Variants in ACSL5 observed in about 807,000 individuals in gnomAD.
The protein encoded by ACSL5 is long-chain-fatty-acid--CoA ligase 5.
Under a neutral mutation model 84.9 loss-of-function variants are expected in ACSL5, and 50 were observed. That is an observed-to-expected ratio of 0.59 (90% CI 0.47 to 0.75). The LOEUF (loss-of-function observed/expected upper bound fraction) is 0.75. ACSL5 is among the 30% of genes least tolerant of loss of function. The pLI is 0.00. For missense variants in ACSL5, 775 were observed against 830.4 expected (o/e 0.93, Z 0.82); for synonymous variants, 280 against 300.7 (o/e 0.93, Z 0.71).
At chr10:112,408,307 A>G (rs1844095846) in intron 5 of ACSL5, 115 bp from the exon 6 acceptor site, 1 of 712,272 alleles carries the variant, frequency 1.4e-6, no homozygotes, top group Non-Finnish European at 2.4e-6. Flanking sequence ...TCAAAAAAAA[A>G]AAAAAAAGCA....
chr10:112,401,946 T>TC lies in ACSL5; in HGVS notation c.266-2565_266-2564insC, dbSNP rs760144024. 2.4e-3 allele frequency among the ~76,000 whole-genome samples: 276 copies of TC among 114,978 alleles called. 1 individual carries two copies. The highest frequency in any genetic ancestry group is 4.1e-3 in the Admixed American group (39 of 9,606). The allele number at this position is 114,978 out of a possible 152,430, so 75.4% of individuals were successfully genotyped here. ...TTTCCTTCCTCCCACCTTCTCTTTC[T>TC]TTCTCTCTCTCTCTCTCTCTCTCCT... On this transcript the variant is annotated intron_variant, in intron 3 of 20. Transcript: ENST00000354655.
chr10:112,417,628 T>C (rs1454607606), intron 13 of ACSL5, among the ~76,000 whole-genome samples: 1 of 152,238 alleles, frequency 6.6e-6, no homozygotes, highest in African/African-American at 2.4e-5. Context: ...ATATGGCTTC[T>C]GGTCCCAGCT....
chr10:112,419,568 A>T (rs1312018466), intron 14 of ACSL5: 2 of 152,184 alleles, frequency 1.3e-5, no homozygotes, highest in Non-Finnish European at 2.9e-5. Context: ...CAAAATCTGA[A>T]ATGCTCCAAA....
chr10:112,393,492 A>G (rs542452422), intron 1 of ACSL5, among the ~76,000 whole-genome samples: 8 of 152,156 alleles, frequency 5.3e-5, no homozygotes, highest in Non-Finnish European at 1.2e-4. Context: ...TTCTTAGACT[A>G]GAGTGAAGTG....
intron 1 of ACSL5, among the ~76,000 whole-genome samples, chr10:112,383,654 A>G (rs1442604638): frequency 7.9e-5 from 12 of 152,222 alleles, no homozygotes; most frequent in Non-Finnish European, 1.3e-4. Context: ...CTGTGTGTCA[A>G]ATGTAGTTTT....
At chr10:112,401,065 A>C (rs1843874875) in intron 3 of ACSL5, among the ~76,000 whole-genome samples, 1 of 152,122 alleles carries the variant, frequency 6.6e-6, no homozygotes, top group Admixed American at 6.5e-5. Flanking sequence ...ACATAGAAAA[A>C]TGATAGCCAG....
rs775687875 is a variant in ACSL5 at position 112,409,549 on chromosome 10, T to C, written c.575T>C (p.Leu192Ser). Residue 192 changes from leucine (L) to serine (S), a missense_variant, in exon 7 of 21, where the codon TTG (leucine) becomes TCG (serine). By Grantham distance (145) the Leu-to-Ser change is moderately radical (BLOSUM62 -2). Transcript: ENST00000354655. The stretch of plus-strand genomic sequence containing the variant: ...ATCTGTGACACACCCCAAAAGGCAT[T>C]GGTGCTGATAGGGAATGTAGAGAAA... Reference protein sequence around the residue: ...MVICDTPQKALVLIGNVEKGF... With the variant: ...MVICDTPQKASVLIGNVEKGF... 1.9e-6 allele frequency: 3 copies of C among 1,613,874 alleles called. No individual in the cohort carries two copies. The Admixed American group carries it at 5.0e-5, about 27-fold the overall frequency.
intron 1 of ACSL5, among the ~76,000 whole-genome samples, chr10:112,378,962 G>A (rs1849296093): frequency 6.6e-6 from 1 of 152,180 alleles, no homozygotes; most frequent in South Asian, 2.1e-4. Context: ...TGGGGAAGCT[G>A]GTGGATCTCC....
At chr10:112,376,662 G>A (rs1342366943) in intron 1 of ACSL5, among the ~76,000 whole-genome samples, 2 of 152,080 alleles carry the variant, frequency 1.3e-5, no homozygotes, top group Non-Finnish European at 2.9e-5. Context: ...AGGATGTGGG[G>A]CATGCATGGG....
chr10:112,391,055 A>G (rs1022723765), intron 1 of ACSL5, among the ~76,000 whole-genome samples: 1 of 152,196 alleles, frequency 6.6e-6, no homozygotes, highest in African/African-American at 2.4e-5. Flanking sequence ...TTAATTCTAC[A>G]TTATGTAAAT....
Position 112,427,452 on chromosome 10 carries a change from A to ATT in ACSL5, c.*102_*103dup. 3 of 1,225,054 alleles carry ATT rather than the reference A, an allele frequency of 2.4e-6. No homozygotes were observed. Among genetic ancestry groups the ATT allele is most frequent in the Admixed American group, 3.1e-5 (1 of 31,900 alleles). The allele number at this position is 1,225,054 out of a possible 1,614,324, so 75.9% of individuals were successfully genotyped here. A position where few individuals can be genotyped will look rare whatever the true frequency, so the allele number is the denominator to read the frequency against. On this transcript the variant is annotated 3_prime_UTR_variant, in exon 21 of 21. Coordinates refer to ENST00000354655, the MANE Select transcript of ACSL5 (RefSeq NM_203379.2). Reference sequence around the variant, plus strand: ...TTACATTTGTTTTGCCTTTCCTCCTATTTTTTTTTAACCTGTTAAACTCTA... The same window carrying ATT: ...TTACATTTGTTTTGCCTTTCCTCCTATTTTTTTTTTTAACCTGTTAAACTCTA...
Position 112,404,697 on chromosome 10 carries a change from T to G in ACSL5, c.331-8T>G. ...CTCTCTCTCTCACCCCATCTCTCTT[T>G]TTTGTAGGTGTCTGATAGAGCAGAG... On this transcript the variant is annotated splice_region_variant and splice_polypyrimidine_tract_variant and intron_variant, in intron 4 of 20. Coordinates refer to ENST00000354655, the MANE Select transcript of ACSL5 (RefSeq NM_203379.2). 1 of 1,613,020 alleles carries G rather than the reference T, an allele frequency of 6.2e-7. No homozygotes were observed.
At chr10:112,380,933 A>C (rs976034367) in intron 1 of ACSL5, among the ~76,000 whole-genome samples, 4 of 152,026 alleles carry the variant, frequency 2.6e-5, no homozygotes, top group Admixed American at 2.6e-4. Flanking sequence ...GGCATGCCCA[A>C]CTAAATTTTT....
intron 2 of ACSL5, chr10:112,396,074 C>T (rs1329714973): frequency 2.0e-5 from 3 of 152,168 alleles, no homozygotes; most frequent in Non-Finnish European, 4.4e-5. Flanking sequence ...GACCTTTTAC[C>T]ACTACCATCT....
At chr10:112,380,769 T>A (rs769174204) in intron 1 of ACSL5, among the ~76,000 whole-genome samples, 8 of 152,172 alleles carry the variant, frequency 5.3e-5, no homozygotes, top group Non-Finnish European at 1.2e-4. Context: ...CATCCTTTTT[T>A]GTTTTGTTTC....
chr10:112,416,217 A>T (rs1261670005), intron 12 of ACSL5, among the ~76,000 whole-genome samples: 2 of 152,132 alleles, frequency 1.3e-5, no homozygotes, highest in African/African-American at 2.4e-5. Flanking sequence ...CACGCCTGTA[A>T]TCCCAGCACT....
chr10:112,410,078 G>C, intron 7 of ACSL5: 5 of 485,036 alleles, frequency 1.0e-5, no homozygotes, highest in Non-Finnish European at 1.3e-5. Context: ...ACCTCACAGA[G>C]GTCTTGTAAA....
At chr10:112,405,291 T>G (rs1053268175) in intron 5 of ACSL5, among the ~76,000 whole-genome samples, 1 of 152,216 alleles carries the variant, frequency 6.6e-6, no homozygotes, top group Non-Finnish European at 1.5e-5. Context: ...CTCCAAGTTT[T>G]GGTTAAGTCA....
intron 10 of ACSL5, 122 bp from the exon 11 acceptor site, chr10:112,411,780 A>T (rs1218670762): frequency 1.0e-6 from 1 of 954,830 alleles, no homozygotes; most frequent in African/African-American, 1.6e-5. Flanking sequence ...AGATCTACAC[A>T]GTGTACCGCC....
Sources: gnomAD v4.1 joint callset for allele counts (sites outside exome capture counted in the v4.1 genomes callset) on GRCh38, gnomAD v4.1.1 for gene constraint, MANE v1.5 for transcripts, NCBI Gene and HGNC (gene_info 2026-07-23, HGNC 2026-07-21) for gene names.